DLG5: variants seen among roughly 807,000 people sequenced by gnomAD.
DLG5 encodes the protein discs large MAGUK scaffold protein 5.
DLG5 carries 48 observed loss-of-function variants against 189.8 expected under a neutral mutation model. The observed-to-expected ratio is 0.25, with a 90% CI of 0.20 to 0.32. The LOEUF (loss-of-function observed/expected upper bound fraction) is 0.32. DLG5 is among the 10% of genes least tolerant of loss of function. The probability of loss-of-function intolerance (pLI) is 1.00; values close to 1 mark genes in which losing one functional copy is unlikely to be tolerated. For synonymous variants in DLG5, 1,016 were observed against 1,054.1 expected, an observed-to-expected ratio of 0.96 and a Z score of 0.70; for missense variants, 2,160 against 2,544.7, an observed-to-expected ratio of 0.85 and a Z score of 3.25.
intron 2 of DLG5, among the ~76,000 whole-genome samples, chr10:77,857,755 T>G (rs1012051541): frequency 3.3e-5 from 5 of 152,200 alleles, no homozygotes; most frequent in Non-Finnish European, 7.4e-5. Flanking sequence ...TATTGAACCC[T>G]GTCAATATGT....
chr10:77,929,808 T>A (rs995618899), upstream of DLG5: 1 of 152,232 alleles, frequency 6.6e-6, no homozygotes, highest in Middle Eastern at 3.2e-3. Flanking sequence ...TGTGAGCCAA[T>A]AAAACAACTG....
chr10:77,792,629 A>G, intron 31 of DLG5, 86 bp from the exon 32 acceptor site: 1 of 1,247,464 alleles, frequency 8.0e-7, no homozygotes, highest in Non-Finnish European at 1.2e-6. Context: ...CACTCTTTCT[A>G]CTGTGTGGCT....
intron 1 of DLG5, among the ~76,000 whole-genome samples, chr10:77,903,053 T>G (rs568346484): frequency 6.6e-6 from 1 of 152,230 alleles, no homozygotes; most frequent in Non-Finnish European, 1.5e-5. Flanking sequence ...CAACATGAGA[T>G]AGTAACACCT....
chr10:77,901,460 C>T (rs922325691), intron 1 of DLG5, among the ~76,000 whole-genome samples: 23 of 152,218 alleles, frequency 1.5e-4, no homozygotes, highest in African/African-American at 5.3e-4. Flanking sequence ...TGAGCAAACC[C>T]ATCTGGACTA....
intron 7 of DLG5, among the ~76,000 whole-genome samples, chr10:77,836,840 T>C (rs1052730383): frequency 6.6e-6 from 1 of 152,082 alleles, no homozygotes; most frequent in African/African-American, 2.4e-5. Flanking sequence ...GATTTTTTTT[T>C]CAGCTTTACA....
At chr10:77,825,999 A>G (rs1190485949) in intron 13 of DLG5, among the ~76,000 whole-genome samples, 1 of 152,232 alleles carries the variant, frequency 6.6e-6, no homozygotes, top group Non-Finnish European at 1.5e-5. Context: ...TCCCCAAAAA[A>G]TCTGAAAAAC....
chr10:77,817,162 C>T (rs1842101693), intron 18 of DLG5, 66 bp from the exon 19 acceptor site: 1 of 1,392,170 alleles, frequency 7.2e-7, no homozygotes, highest in Admixed American at 1.7e-5. Flanking sequence ...CCTTCCTCTC[C>T]ACCAGGCTAC....
intron 1 of DLG5, among the ~76,000 whole-genome samples, chr10:77,910,170 C>T (rs186497069): frequency 3.9e-5 from 6 of 152,206 alleles, no homozygotes; most frequent in East Asian, 3.9e-4. Flanking sequence ...AATGCTGTGA[C>T]GAAGAGAGGT....
chr10:77,826,472 C>CA (rs1166532514), intron 13 of DLG5, among the ~76,000 whole-genome samples: 1 of 151,626 alleles, frequency 6.6e-6, no homozygotes, highest in Non-Finnish European at 1.5e-5. Context: ...ACTAAAAATA[C>CA]AAAAAAACTA....
chr10:77,900,716 C>T (rs2154577860), intron 1 of DLG5, among the ~76,000 whole-genome samples: 1 of 152,140 alleles, frequency 6.6e-6, no homozygotes, highest in East Asian at 1.9e-4. Context: ...GCAGGCATAT[C>T]ACGAGGTCAG....
chr10:77,908,723 T>A (rs1450839398), intron 1 of DLG5, among the ~76,000 whole-genome samples: 1 of 151,962 alleles, frequency 6.6e-6, no homozygotes, highest in East Asian at 1.9e-4. Context: ...GCCTCACCTG[T>A]CTGGCACTAT....
At chr10:77,936,791 C>A in the DLG5 span, among the ~76,000 whole-genome samples, 2 of 152,124 alleles carry the variant, frequency 1.3e-5, no homozygotes, top group South Asian at 2.1e-4. Context: ...TTGCAGCAAC[C>A]CTGCGAGGCC....
At chr10:77,853,575 G>A in intron 4 of DLG5, 38 bp from the exon 5 acceptor site, 1 of 1,498,356 alleles carries the variant, frequency 6.7e-7, no homozygotes, top group Admixed American at 1.9e-5. Context: ...GCCCCAGCCA[G>A]CCCCTCACAC....
At chr10:77,818,801 C>G (rs553442057) in intron 17 of DLG5, among the ~76,000 whole-genome samples, 12 of 151,778 alleles carry the variant, frequency 7.9e-5, no homozygotes, top group African/African-American at 2.4e-4. Flanking sequence ...TTTTTGTCTG[C>G]CTCCCACATT....
At chr10:77,940,076 C>G in the DLG5 span, among the ~76,000 whole-genome samples, 7 of 151,936 alleles carry the variant, frequency 4.6e-5, no homozygotes, top group African/African-American at 9.7e-5. Context: ...TGACAAAATG[C>G]CCAGAACTTG....
chr10:77,847,346 G>A (rs1204884520), intron 5 of DLG5, among the ~76,000 whole-genome samples: 5 of 152,224 alleles, frequency 3.3e-5, no homozygotes, highest in Admixed American at 6.5e-5. Context: ...GAGCTACTCC[G>A]CCTCCCTGCA....
chr10:77,937,496 G>C, the DLG5 span, among the ~76,000 whole-genome samples: 4 of 152,158 alleles, frequency 2.6e-5, no homozygotes, highest in Non-Finnish European at 4.4e-5. Flanking sequence ...GCCTATGACA[G>C]AGGAAGGCCT....
intron 24 of DLG5, among the ~76,000 whole-genome samples, chr10:77,808,520 C>A (rs939739658): frequency 3.3e-5 from 5 of 152,228 alleles, no homozygotes; most frequent in African/African-American, 1.2e-4. Context: ...AATTCTCCCA[C>A]CTTGGCCTCC....
At chr10:77,897,697 G>A (rs1460964422) in intron 1 of DLG5, among the ~76,000 whole-genome samples, 1 of 150,000 alleles carries the variant, frequency 6.7e-6, no homozygotes, top group African/African-American at 2.5e-5. Context: ...AGGGGGAGGG[G>A]GGAAAGGGAG....
Sources: allele counts gnomAD v4.1 joint callset (sites outside exome capture counted in the v4.1 genomes callset), GRCh38; gene constraint gnomAD v4.1.1; transcripts MANE v1.5; gene names NCBI Gene and HGNC (gene_info 2026-07-23, HGNC 2026-07-21).